The following PCDH15 variants were observed in gnomAD, a reference collection of about 807,000 sequenced individuals.
PCDH15 encodes protocadherin related 15.
Under a neutral mutation model 178.5 loss-of-function variants are expected in PCDH15, and 129 were observed. The ratio of observed to expected loss-of-function variants is 0.72; its 90% CI spans 0.63 to 0.84. The LOEUF is 0.84. Among genes scored for constraint, PCDH15 ranks in the 40% least tolerant of loss-of-function variants. The pLI, the probability that PCDH15 is intolerant of heterozygous loss-of-function variation, is 0.00. For synonymous variants in PCDH15, 800 were observed against 732.0 expected (o/e 1.09, Z -1.50); for missense variants, 2,230 against 2,099.9 (o/e 1.06, Z -1.21).
intron 3 of PCDH15, among the ~76,000 whole-genome samples, chr10:54,855,930 C>T (rs560431507): frequency 1.2e-4 from 18 of 152,192 alleles, no homozygotes; most frequent in African/African-American, 3.6e-4. Flanking sequence ...CAACTAATGG[C>T]AATTTATAGG....
chr10:54,154,563 T>G (rs201934026), intron 13 of PCDH15, among the ~76,000 whole-genome samples: 1 of 152,192 alleles, frequency 6.6e-6, no homozygotes, highest in African/African-American at 2.4e-5. Flanking sequence ...AAACATCATA[T>G]TAACTAATTT....
chr10:55,228,027 T>C (rs1841101763), intron 1 of PCDH15, among the ~76,000 whole-genome samples: 1 of 152,114 alleles, frequency 6.6e-6, no homozygotes, highest in Non-Finnish European at 1.5e-5. Flanking sequence ...ACAATTCATC[T>C]GAGACATTGC....
intron 8 of PCDH15, among the ~76,000 whole-genome samples, chr10:54,275,238 A>T (rs1171778716): frequency 6.6e-6 from 1 of 151,930 alleles, no homozygotes; most frequent in African/African-American, 2.4e-5. Context: ...AAAAGCAACA[A>T]AAATATGGAA....
At chr10:54,512,473 A>T (rs991718509) in intron 3 of PCDH15, among the ~76,000 whole-genome samples, 1 of 151,732 alleles carries the variant, frequency 6.6e-6, no homozygotes, top group Non-Finnish European at 1.5e-5. Context: ...TATCCTACAA[A>T]AATGGCATTA....
At chr10:54,283,400 T>C (rs973335094) in intron 8 of PCDH15, among the ~76,000 whole-genome samples, 15 of 152,286 alleles carry the variant, frequency 9.8e-5, no homozygotes, top group African/African-American at 2.6e-4. Flanking sequence ...CAACCACTGC[T>C]AGGCTGTGTA....
intron 2 of PCDH15, among the ~76,000 whole-genome samples, chr10:55,466,379 T>C (rs1182512470): frequency 1.3e-5 from 2 of 152,112 alleles, no homozygotes; most frequent in Non-Finnish European, 2.9e-5. Flanking sequence ...TAATTGGAGG[T>C]AGCAGAAATA....
At chr10:55,014,776 C>G (rs994053482) in intron 2 of PCDH15, among the ~76,000 whole-genome samples, 1 of 152,148 alleles carries the variant, frequency 6.6e-6, no homozygotes, top group Non-Finnish European at 1.5e-5. Flanking sequence ...TATTTAATAA[C>G]TGAGTAACTG....
chr10:54,711,268 C>A (rs2095425726), intron 1 of PCDH15, among the ~76,000 whole-genome samples: 1 of 151,930 alleles, frequency 6.6e-6, no homozygotes, highest in African/African-American at 2.4e-5. Context: ...TCTGATACTT[C>A]AAGTCATTGC....
intron 1 of PCDH15, among the ~76,000 whole-genome samples, chr10:54,790,365 TAAA>T (rs34473599): frequency 5.9e-5 from 9 of 151,318 alleles, no homozygotes; most frequent in African/African-American, 1.7e-4. Flanking sequence ...CCTATATATG[TAAA>T]AAATATATAT....
chr10:54,194,062 G>GAAAAAAAAA (rs10629717), intron 11 of PCDH15, among the ~76,000 whole-genome samples: 1 of 117,954 alleles, frequency 8.5e-6, no homozygotes, highest in African/African-American at 3.0e-5. Flanking sequence ...AGGAAAGATT[G>GAAAAAAAAA]AAAAAAAAAA....
chr10:53,807,554 A>T (rs1038898122), intron 37 of PCDH15, among the ~76,000 whole-genome samples: 1 of 152,138 alleles, frequency 6.6e-6, no homozygotes, highest in Non-Finnish European at 1.5e-5. Flanking sequence ...CCCAATATTT[A>T]AAAAATATTT....
chr10:55,383,432 C>T (rs953378042), intron 2 of PCDH15, among the ~76,000 whole-genome samples: 1 of 152,058 alleles, frequency 6.6e-6, no homozygotes, highest in Non-Finnish European at 1.5e-5. Context: ...GGCAGGAAAA[C>T]AGGGATAACT....
chr10:55,480,938 A>G (rs1840166009), intron 2 of PCDH15, among the ~76,000 whole-genome samples: 1 of 151,852 alleles, frequency 6.6e-6, no homozygotes. Context: ...TACACCTGGT[A>G]GAATTCAGCT....
chr10:55,573,439 T>G (rs997321524), intron 2 of PCDH15, among the ~76,000 whole-genome samples: 3 of 152,114 alleles, frequency 2.0e-5, no homozygotes, highest in Admixed American at 2.0e-4. Context: ...CTCTCAACAT[T>G]GTAGTTTAAA....
chr10:54,310,289 C>CAAA, intron 8 of PCDH15, among the ~76,000 whole-genome samples: 1 of 152,090 alleles, frequency 6.6e-6, no homozygotes, highest in Non-Finnish European at 1.5e-5. Flanking sequence ...AAAACAAAAA[C>CAAA]AAAAACAACT....
intron 9 of PCDH15, among the ~76,000 whole-genome samples, chr10:54,218,868 G>A: frequency 6.6e-6 from 1 of 152,034 alleles, no homozygotes; most frequent in East Asian, 1.9e-4. Flanking sequence ...AAGATGACGA[G>A]AAACTCTATA....
chr10:55,148,322 C>G (rs2132097707), intron 2 of PCDH15, among the ~76,000 whole-genome samples: 1 of 151,850 alleles, frequency 6.6e-6, no homozygotes, highest in South Asian at 2.1e-4. Context: ...TTAACTGGCC[C>G]AGAAGATAGT....
chr10:54,068,864 ATTAT>A (rs138146711), intron 17 of PCDH15, among the ~76,000 whole-genome samples: 4,005 of 152,200 alleles, frequency 0.026, 183 homozygotes, highest in African/African-American at 0.093. Context: ...TTTTCTTAAG[ATTAT>A]TTACTTTAAA....
intron 6 of PCDH15, among the ~76,000 whole-genome samples, chr10:54,344,925 A>AAG (rs1942983784): frequency 7.1e-6 from 1 of 140,424 alleles, no homozygotes; most frequent in Non-Finnish European, 1.6e-5. Context: ...AAAAAAAAAA[A>AAG]ACAAGACTCT....
Sources: allele counts gnomAD v4.1 joint callset (sites outside exome capture counted in the v4.1 genomes callset), GRCh38; gene constraint gnomAD v4.1.1; transcripts MANE v1.5; gene names NCBI Gene and HGNC (gene_info 2026-07-23, HGNC 2026-07-21).